Variants in GTF2I observed in about 807,000 individuals in gnomAD.
GTF2I encodes general transcription factor II-I.
A neutral mutation model predicts 67.6 loss-of-function variants in GTF2I; 12 were observed. That is an observed-to-expected ratio of 0.18 (90% confidence interval 0.11 to 0.29). The LOEUF (loss-of-function observed/expected upper bound fraction) is 0.29, where lower values mean the gene tolerates loss of function less well. Ranked by LOEUF, GTF2I falls within the 10% of genes least tolerant of loss-of-function variation. The pLI, the probability that GTF2I is intolerant of heterozygous loss-of-function variation, is 1.00. For synonymous variants in GTF2I, 149 were observed against 197.0 expected, an observed-to-expected ratio of 0.76 and a Z score of 2.04; for missense variants, 271 against 580.1, an observed-to-expected ratio of 0.47 and a Z score of 5.47.
In GTF2I at chr7:74,706,370, G is replaced by A. The variant is rs782096649; in HGVS notation, c.642-20G>A. 1.9e-6 allele frequency: 3 copies of A among 1,612,346 alleles called. No individual in the cohort carries two copies. Among genetic ancestry groups the A allele is most frequent in the South Asian group, 2.2e-5 (2 of 90,944 alleles). ...CTGTCACCAGCACGTGGCTTGATCAGGGCTTTCTTCTCCTTGCAGTTGTGG... is the reference window on the plus strand; with the variant it reads ...CTGTCACCAGCACGTGGCTTGATCAAGGCTTTCTTCTCCTTGCAGTTGTGG... On this transcript the variant is annotated intron_variant, in intron 7 of 34. Transcript: ENST00000573035.
At chr7:74,710,090 A>C (rs1791337104) in intron 8 of GTF2I, among the ~76,000 whole-genome samples, 1 of 152,136 alleles carries the variant, frequency 6.6e-6, no homozygotes, top group East Asian at 1.9e-4. Flanking sequence ...GCAGCAAAAC[A>C]CTTTCCCCTT....
At position 74,722,200 on chromosome 7, in the gene GTF2I, T is replaced by C. The variant is rs182213990; in HGVS notation, c.943+3259T>C. Reference sequence around the variant, plus strand: ...GACGTGTTTGTGGATACAGGGTCATTACTTACCCACTGCCGGTGCGCTCTG... The same window carrying C: ...GACGTGTTTGTGGATACAGGGTCATCACTTACCCACTGCCGGTGCGCTCTG... On this transcript the variant is annotated intron_variant, in intron 12 of 34. Coordinates refer to ENST00000573035, the MANE Select transcript of GTF2I (RefSeq NM_032999.4). Among the ~76,000 whole-genome samples the C allele has an allele frequency of 1.1e-3, 173 of 152,328 alleles. 1 individual carries two copies. The highest frequency in any genetic ancestry group is 4.0e-3 in the African/African-American group (167 of 41,562).
chr7:74,700,061 C>G (rs782181652), intron 4 of GTF2I, 186 bp from the exon 5 acceptor site: 1 of 578,890 alleles, frequency 1.7e-6, no homozygotes, highest in African/African-American at 1.9e-5. Flanking sequence ...TTTGGCCCTT[C>G]GGATCAGTTT....
At chr7:74,680,613 A>C (rs1324106181) in intron 1 of GTF2I, among the ~76,000 whole-genome samples, 3 of 152,030 alleles carry the variant, frequency 2.0e-5, no homozygotes, top group African/African-American at 7.2e-5. Context: ...GTGGTGCTGC[A>C]AGTCTGTAGT....
chr7:74,698,770 A>T (rs1192467540), intron 3 of GTF2I, among the ~76,000 whole-genome samples, 191 bp from the exon 4 acceptor site: 1 of 152,178 alleles, frequency 6.6e-6, no homozygotes, highest in African/African-American at 2.4e-5. Context: ...AAAATAACAA[A>T]TCATTGGTTA....
At chr7:74,659,024 T>TGCTGTTGGAGTAGTGTCC (rs1804221301) in intron 1 of GTF2I, among the ~76,000 whole-genome samples, 1 of 152,012 alleles carries the variant, frequency 6.6e-6, no homozygotes, top group Non-Finnish European at 1.5e-5. Flanking sequence ...ACAGGTGGGG[T>TGCTGTTGGAGTAGTGTCC]GCTGTTGGAG....
intron 9 of GTF2I, among the ~76,000 whole-genome samples, chr7:74,711,405 C>T (rs1334182386): frequency 2.6e-5 from 4 of 152,098 alleles, no homozygotes; most frequent in African/African-American, 9.7e-5. Context: ...TAAAACAAAC[C>T]TATTAGGCAA....
intron 1 of GTF2I, among the ~76,000 whole-genome samples, chr7:74,686,895 G>GTT (rs199811559): frequency 4.2e-5 from 6 of 142,260 alleles, no homozygotes; most frequent in South Asian, 2.2e-4. Context: ...TTTTGTTTTT[G>GTT]TTTTTTTTTT....
At chr7:74,701,749 G>A (rs782366222) in intron 6 of GTF2I, among the ~76,000 whole-genome samples, 1 of 152,278 alleles carries the variant, frequency 6.6e-6, no homozygotes, top group African/African-American at 2.4e-5. Context: ...ACAGGCGTGA[G>A]CCACTGTGCC....
chr7:74,697,264 G>A (rs923446295), intron 3 of GTF2I, among the ~76,000 whole-genome samples: 18 of 151,824 alleles, frequency 1.2e-4, no homozygotes, highest in African/African-American at 3.4e-4. Flanking sequence ...GAGTGGTGGC[G>A]CGCACCTGTA....
chr7:74,708,380 G>T (rs941758639), intron 8 of GTF2I, among the ~76,000 whole-genome samples: 3 of 151,756 alleles, frequency 2.0e-5, no homozygotes, highest in Non-Finnish European at 2.9e-5. Context: ...GAATACTAAG[G>T]TTTTTTTTAA....
rs1554399485 is a variant in GTF2I at position 74,700,251 on chromosome 7, A to G, written c.378A>G (p.Lys126=). 1.9e-6 allele frequency: 3 copies of G among 1,613,500 alleles called. No homozygotes were observed. Among genetic ancestry groups the G allele is most frequent in the Non-Finnish European group, 2.5e-6 (3 of 1,179,682 alleles). The change falls in exon 5 of 35, where the codon AAA becomes AAG. Residue 126 remains lysine, a synonymous_variant. Coordinates refer to ENST00000573035, the MANE Select transcript of GTF2I (RefSeq NM_032999.4). Reference sequence around the variant, plus strand: ...TCCGCTTTTCATCTGCCCCAGGGAAAGCTTTAGGCAAATCCACAGTGGTAC... The same window carrying G: ...TCCGCTTTTCATCTGCCCCAGGGAAGGCTTTAGGCAAATCCACAGTGGTAC... ...VEDYFCFCYG[K]ALGKSTVVPV... is the part of the protein sequence containing the mutation.
chr7:74,711,602 A>G (rs1305898409), intron 9 of GTF2I, among the ~76,000 whole-genome samples: 6 of 152,172 alleles, frequency 3.9e-5, no homozygotes, highest in Non-Finnish European at 7.3e-5. Context: ...TGCCCTGCCC[A>G]GTATTCAGGC....
chr7:74,706,758 C>T (rs1375835455), intron 8 of GTF2I, among the ~76,000 whole-genome samples: 1 of 152,160 alleles, frequency 6.6e-6, no homozygotes, highest in African/African-American at 2.4e-5. Context: ...AGAATGCCCC[C>T]TTCGTCTCCA....
chr7:74,701,475 T>TA (rs1307022370), intron 6 of GTF2I, among the ~76,000 whole-genome samples: 4 of 152,076 alleles, frequency 2.6e-5, no homozygotes, highest in African/African-American at 9.7e-5. Flanking sequence ...CTTTTTTTTT[T>TA]ATTATTATTT....
chr7:74,672,425 C>T (rs952146603), intron 1 of GTF2I, among the ~76,000 whole-genome samples: 2 of 151,982 alleles, frequency 1.3e-5, no homozygotes, highest in African/African-American at 4.8e-5. Context: ...CCTGTAATCC[C>T]AGCTACTCGG....
intron 1 of GTF2I, among the ~76,000 whole-genome samples, chr7:74,686,967 G>T (rs587642704): frequency 1.8e-4 from 28 of 151,504 alleles, no homozygotes; most frequent in African/African-American, 6.5e-4. Flanking sequence ...TTGGCTCACT[G>T]CAACCTCCAC....
chr7:74,700,697 C>G, intron 6 of GTF2I, 63 bp downstream of exon 6: 1 of 1,402,292 alleles, frequency 7.1e-7, no homozygotes. Flanking sequence ...TTTTCATACA[C>G]TTTAATGGTT....
At chr7:74,676,233 G>T (rs1340003206) in intron 1 of GTF2I, among the ~76,000 whole-genome samples, 2 of 152,130 alleles carry the variant, frequency 1.3e-5, no homozygotes, top group Non-Finnish European at 2.9e-5. Context: ...ATCAAGATAT[G>T]AAGTTAATTT....
Sources: gnomAD v4.1 joint callset for allele counts (sites outside exome capture counted in the v4.1 genomes callset) on GRCh38, gnomAD v4.1.1 for gene constraint, MANE v1.5 for transcripts, NCBI Gene and HGNC (gene_info 2026-07-23, HGNC 2026-07-21) for gene names.